The following POLI variants were observed in gnomAD, a reference collection of about 807,000 sequenced individuals.
POLI encodes DNA polymerase iota.
A neutral mutation model predicts 51.6 loss-of-function variants in POLI; 58 were observed. That is an observed-to-expected ratio of 1.12 (90% CI 0.91 to 1.40). POLI has a LOEUF of 1.40. Ranked by LOEUF, POLI falls within the 40% of genes most tolerant of loss-of-function variation. The pLI, the probability that POLI is intolerant of heterozygous loss-of-function variation, is 0.00. For missense variants in POLI, 921 were observed against 871.3 expected (o/e 1.06, Z -0.72); for synonymous variants, 322 against 299.7 (o/e 1.07, Z -0.77).
chr18:54,294,831 T>TC lies in POLI; in HGVS notation c.*366dup. On this transcript the variant is annotated 3_prime_UTR_variant, in exon 10 of 10. Transcript: ENST00000579534. ...AAAGGACACATTTTTTTTTTTTTTT[T>TC]CCTGTGAAATGTGGAATATCTCAAA... is the stretch of plus-strand genomic sequence containing the variant. 1 of 947,386 alleles carries TC rather than the reference T, an allele frequency of 1.1e-6. No homozygotes were observed. Among genetic ancestry groups the TC allele is most frequent in the Non-Finnish European group, 1.2e-6 (1 of 801,636 alleles). 58.7% of individuals were successfully genotyped at this position (947,386 alleles called of 1,614,324 possible).
At position 54,297,792 on chromosome 18, in the gene POLI, CT is replaced by C. The variant is rs2088406338; in HGVS notation, c.*3328del. 1.0e-6 allele frequency: 1 copy of C among 958,970 alleles called. No homozygotes were observed. The highest frequency in any genetic ancestry group is 1.2e-6 in the Non-Finnish European group (1 of 805,974). The allele number at this position is 958,970 out of a possible 1,614,324, so 59.4% of individuals were successfully genotyped here. A position where few individuals can be genotyped will look rare whatever the true frequency, so the allele number is the denominator to read the frequency against. ...TAATTCTAATTAAATTCCACAAGTT[CT>C]TTATTAAATCTCCAAATTGGATATT... On this transcript the variant is annotated 3_prime_UTR_variant, in exon 10 of 10. Coordinates refer to ENST00000579534, the MANE Select transcript of POLI (RefSeq NM_007195.3).
intron 3 of POLI, among the ~76,000 whole-genome samples, chr18:54,308,451 G>T (rs977063368): frequency 6.6e-6 from 1 of 152,154 alleles, no homozygotes; most frequent in Admixed American, 6.5e-5. Flanking sequence ...CGAGCGATCC[G>T]CTGTTAGTCT....
chr18:54,289,503 T>A (rs2087897582), intron 8 of POLI, among the ~76,000 whole-genome samples: 1 of 152,058 alleles, frequency 6.6e-6, no homozygotes, highest in South Asian at 2.1e-4. Context: ...GAACCAAAAA[T>A]GAGCCCCTAT....
chr18:54,282,716 G>C lies in POLI; in HGVS notation c.797-121G>C. 4 of 605,624 alleles carry C rather than the reference G, an allele frequency of 6.6e-6. No homozygotes were observed. The South Asian group carries it at 1.0e-4, about 16-fold the overall frequency. 37.5% of individuals were successfully genotyped at this position (605,624 alleles called of 1,614,324 possible). A position where few individuals can be genotyped will look rare whatever the true frequency, so the allele number is the denominator to read the frequency against. On this transcript the variant is annotated intron_variant, in intron 5 of 9. Transcript: ENST00000579534. ...TTAGAATGTATCCCCTGTGGATAAG[G>C]GGGGACTACTGTATAAATTATAGAA...
At position 54,283,000 on chromosome 18, in the gene POLI, C is replaced by T; in HGVS notation, c.960C>T (p.Leu320=). The change falls in exon 6 of 10, where the codon CTC becomes CTT. Residue 320 remains leucine (L), a synonymous_variant. Coordinates refer to ENST00000579534, the MANE Select transcript of POLI (RefSeq NM_007195.3). ...SFGEDNSPVI[L]SGPPQSFSEE... ...GAGAGGATAACTCCCCTGTGATACT[C>T]TCAGGACCACCTCAGGTACATGATG... 2 of 1,604,250 alleles carry T rather than the reference C, an allele frequency of 1.2e-6. No individual in the cohort carries two copies. Among genetic ancestry groups the T allele is most frequent in the Non-Finnish European group, 1.7e-6 (2 of 1,172,580 alleles).
intron 3 of POLI, among the ~76,000 whole-genome samples, chr18:54,308,559 C>T (rs2088624786): frequency 6.9e-6 from 1 of 145,006 alleles, no homozygotes; most frequent in South Asian, 2.3e-4. Context: ...AATTATGTGT[C>T]TTGGGGTTGC....
At chr18:54,291,744 T>G (rs1351039372) in intron 8 of POLI, 89 bp from the exon 9 acceptor site, 1 of 624,082 alleles carries the variant, frequency 1.6e-6, no homozygotes, top group African/African-American at 1.9e-5. Flanking sequence ...CAGTGATATT[T>G]AGGATTTTAA....
chr18:54,289,249 G>A (rs1401942939), intron 8 of POLI, among the ~76,000 whole-genome samples: 1 of 150,120 alleles, frequency 6.7e-6, no homozygotes, highest in Non-Finnish European at 1.5e-5. Context: ...TGGCTTCTGG[G>A]AAGTTGCCCA....
Position 54,295,607 on chromosome 18 carries a change from C to G in POLI, c.*1140C>G, listed in dbSNP as rs1050196246. The stretch of plus-strand genomic sequence containing the variant: ...AAGAGTAGCTTAAAAATACTTTCTT[C>G]TAGGTCTGAAATTTTCTTTTCTTTC... On this transcript the variant is annotated 3_prime_UTR_variant, in exon 10 of 10. Coordinates refer to ENST00000579534, the MANE Select transcript of POLI (RefSeq NM_007195.3). 1.3e-6 allele frequency: 1 copy of G among 741,930 alleles called. No individual in the cohort carries two copies. The highest frequency in any genetic ancestry group is 1.9e-5 in the African/African-American group (1 of 51,822). The allele number at this position is 741,930 out of a possible 1,614,324, so 46.0% of individuals were successfully genotyped here.
chr18:54,306,395 T>C (rs1024816533), intron 3 of POLI, among the ~76,000 whole-genome samples: 1 of 152,240 alleles, frequency 6.6e-6, no homozygotes, highest in Admixed American at 6.5e-5. Flanking sequence ...TTACGTATGT[T>C]GAGCCAGCCT....
intron 3 of POLI, among the ~76,000 whole-genome samples, chr18:54,315,065 T>C (rs747802939): frequency 7.2e-5 from 11 of 152,150 alleles, no homozygotes; most frequent in Non-Finnish European, 1.5e-4. Flanking sequence ...AGATTATTAA[T>C]TTGAGATCTT....
downstream of POLI, among the ~76,000 whole-genome samples, chr18:54,300,158 A>G (rs654328): frequency 0.25 from 38,188 of 152,014 alleles, 5,019 homozygotes; most frequent in Middle Eastern, 0.3. Context: ...CACCAGAAAT[A>G]TGAGTATATT....
chr18:54,303,954 C>T (rs1394647772), intron 3 of POLI, among the ~76,000 whole-genome samples: 1 of 151,498 alleles, frequency 6.6e-6, no homozygotes, highest in Non-Finnish European at 1.5e-5. Flanking sequence ...ATGTTCCCTG[C>T]CCTGTGTCCA....
At position 54,293,916 on chromosome 18, in the gene POLI, G is replaced by A. The variant is rs2144597764; in HGVS notation, c.1672G>A (p.Val558Met). The A allele has an allele frequency of 1.2e-6, 2 of 1,613,190 alleles. No individual in the cohort carries two copies. The highest frequency in any genetic ancestry group is 1.7e-6 in the Non-Finnish European group (2 of 1,179,362). The change falls in exon 10 of 10, where the codon GTG (valine) becomes ATG (methionine). Residue 558 changes from valine to methionine, a missense_variant. Val to Met is a conservative substitution (Grantham distance 21, BLOSUM62 1). Transcript: ENST00000579534. ...GGAAAAATTTCAAGGGAAAGGAAGT[G>A]TGAGTTGTCCATTACATGCCTCTAG... ...SREKFQGKGS[V>M]SCPLHASRGV...
chr18:54,319,185 G>T (rs1439090317), intron 3 of POLI, among the ~76,000 whole-genome samples: 1 of 152,160 alleles, frequency 6.6e-6, no homozygotes, highest in Non-Finnish European at 1.5e-5. Flanking sequence ...CATCATATCA[G>T]ATCTCTACTG....
At chr18:54,276,777 A>G (rs2087259168) in intron 3 of POLI, among the ~76,000 whole-genome samples, 1 of 152,204 alleles carries the variant, frequency 6.6e-6, no homozygotes, top group Non-Finnish European at 1.5e-5. Flanking sequence ...GTCAATGTTG[A>G]CATCAACAAA....
chr18:54,283,745 AG>A (rs1599199249), intron 6 of POLI, 176 bp from the exon 7 acceptor site: 2 of 388,454 alleles, frequency 5.1e-6, no homozygotes, highest in East Asian at 8.1e-5. Context: ...CTTTCTAGTG[AG>A]TACAATAGCT....
At chr18:54,285,452 C>T (rs1279596241) in intron 7 of POLI, among the ~76,000 whole-genome samples, 1 of 151,640 alleles carries the variant, frequency 6.6e-6, no homozygotes, top group Non-Finnish European at 1.5e-5. Flanking sequence ...TCTCCCACAC[C>T]ACGGGCCCTT....
intron 8 of POLI, 155 bp downstream of exon 8, chr18:54,287,566 T>G: frequency 1.8e-6 from 1 of 545,710 alleles, no homozygotes; most frequent in Non-Finnish European, 3.3e-6. Flanking sequence ...ACTGGAAAAC[T>G]TTGTTGTTTG....
Sources: gnomAD v4.1 joint callset for allele counts (sites outside exome capture counted in the v4.1 genomes callset) on GRCh38, gnomAD v4.1.1 for gene constraint, MANE v1.5 for transcripts, NCBI Gene and HGNC (gene_info 2026-07-23, HGNC 2026-07-21) for gene names.